SCTR: variants seen among roughly 807,000 people sequenced by gnomAD.
The protein encoded by SCTR is secretin receptor.
Under a neutral mutation model 60.8 loss-of-function variants are expected in SCTR, and 56 were observed. The observed-to-expected ratio is 0.92, with a 90% CI of 0.74 to 1.15. The LOEUF (loss-of-function observed/expected upper bound fraction) is 1.15. Ranked by LOEUF, SCTR falls within the 50% of genes most tolerant of loss-of-function variation. SCTR has a pLI of 0.00. For missense variants in SCTR, 562 were observed against 550.4 expected (o/e 1.02, Z -0.21); for synonymous variants, 202 against 217.0 (o/e 0.93, Z 0.61).
intron 2 of SCTR, among the ~76,000 whole-genome samples, chr2:119,489,316 C>T (rs1177578318): frequency 6.6e-6 from 1 of 152,174 alleles, no homozygotes; most frequent in Non-Finnish European, 1.5e-5. Flanking sequence ...GGCTCCACCT[C>T]ATCTCCCACT....
intron 1 of SCTR, among the ~76,000 whole-genome samples, chr2:119,512,842 C>T (rs1305694096): frequency 1.3e-5 from 2 of 152,188 alleles, no homozygotes; most frequent in African/African-American, 4.8e-5. Context: ...AGTTTTGTGG[C>T]TCAGGCATCA....
chr2:119,474,312 G>C (rs1290326310), intron 3 of SCTR, among the ~76,000 whole-genome samples: 1 of 152,212 alleles, frequency 6.6e-6, no homozygotes, highest in Non-Finnish European at 1.5e-5. Flanking sequence ...AGCCTGCCCT[G>C]AACTCTTCTC....
At position 119,453,324 on chromosome 2, in the gene SCTR, A is replaced by G. The variant is rs943658502; in HGVS notation, c.814T>C (p.Leu272=). 15 of 1,613,848 alleles carry G rather than the reference A, an allele frequency of 9.3e-6. No individual in the cohort carries two copies. The highest frequency in any genetic ancestry group is 1.6e-4 in the Middle Eastern group (1 of 6,084). Residue 272 remains leucine (L), a synonymous_variant, in exon 8 of 13, where the codon TTG becomes CTG. Transcript: ENST00000019103. ...GWGSPAIFVA[L]WAIARHFLED... ...AGAAAGTGTCTGGCAATAGCCCACA[A>G]AGCAACAAAAATGGCTGGAGAACCT...
intron 2 of SCTR, among the ~76,000 whole-genome samples, chr2:119,490,816 C>T (rs1466979983): frequency 3.9e-5 from 6 of 152,326 alleles, no homozygotes; most frequent in African/African-American, 1.4e-4. Context: ...ATCCCTTTGT[C>T]TGGGGGCTTT....
intron 6 of SCTR, 38 bp downstream of exon 6, chr2:119,464,085 C>A: frequency 6.2e-7 from 1 of 1,610,954 alleles, no homozygotes; most frequent in Non-Finnish European, 8.5e-7. Context: ...GGAAGGCAGG[C>A]GGGCCTGGCG....
chr2:119,461,732 A>T, intron 7 of SCTR, 115 bp downstream of exon 7: 11 of 668,204 alleles, frequency 1.6e-5, no homozygotes, highest in Middle Eastern at 3.6e-4. Flanking sequence ...AAAAAAAAAA[A>T]GATTACACAA....
intron 2 of SCTR, among the ~76,000 whole-genome samples, chr2:119,485,476 C>G (rs1048063088): frequency 2.5e-4 from 38 of 152,324 alleles, no homozygotes; most frequent in African/African-American, 7.9e-4. Flanking sequence ...CCTGCATTCA[C>G]CTGGCATGGA....
At chr2:119,462,262 C>A (rs916738840) in intron 6 of SCTR, among the ~76,000 whole-genome samples, 1 of 152,216 alleles carries the variant, frequency 6.6e-6, no homozygotes, top group African/African-American at 2.4e-5. Flanking sequence ...AGGTTCAAAT[C>A]CTAGCACTGG....
At chr2:119,445,443 G>A (rs1445124847) in intron 11 of SCTR, among the ~76,000 whole-genome samples, 2 of 152,172 alleles carry the variant, frequency 1.3e-5, no homozygotes, top group Non-Finnish European at 2.9e-5. Flanking sequence ...GGAGGGTGTG[G>A]TCTGAAGGTA....
intron 2 of SCTR, 128 bp from the exon 3 acceptor site, chr2:119,479,046 G>T: frequency 6.7e-7 from 1 of 1,491,882 alleles, no homozygotes; most frequent in Non-Finnish European, 8.9e-7. Context: ...GCTCTCATTA[G>T]GTGCTGACTC....
chr2:119,454,821 T>G (rs1683311085), intron 7 of SCTR, among the ~76,000 whole-genome samples: 1 of 148,518 alleles, frequency 6.7e-6, no homozygotes, highest in Admixed American at 6.8e-5. Flanking sequence ...GCCACTGCGC[T>G]CCAGCCTGGG....
chr2:119,440,316 T>A, intron 12 of SCTR, 59 bp from the exon 13 acceptor site: 3 of 1,563,754 alleles, frequency 1.9e-6, no homozygotes, highest in Non-Finnish European at 2.6e-6. Context: ...CCTGGAGCCC[T>A]GCTCACTCCC....
intron 2 of SCTR, among the ~76,000 whole-genome samples, chr2:119,490,983 A>C (rs1255399241): frequency 1.3e-5 from 2 of 152,138 alleles, no homozygotes; most frequent in Non-Finnish European, 2.9e-5. Flanking sequence ...ACAAGTGCCC[A>C]CAGTGATGAT....
At chr2:119,475,012 C>T (rs1171460343) in intron 3 of SCTR, among the ~76,000 whole-genome samples, 5 of 152,202 alleles carry the variant, frequency 3.3e-5, no homozygotes, top group Non-Finnish European at 5.9e-5. Flanking sequence ...AATAATCACC[C>T]ACACTGCAAG....
intron 7 of SCTR, among the ~76,000 whole-genome samples, chr2:119,455,231 G>C (rs2104781998): frequency 6.6e-6 from 1 of 152,286 alleles, no homozygotes; most frequent in South Asian, 2.1e-4. Context: ...GGATTCTCTA[G>C]AGGAACTGAA....
intron 7 of SCTR, among the ~76,000 whole-genome samples, chr2:119,457,693 A>C (rs555967828): frequency 1.1e-4 from 17 of 152,164 alleles, no homozygotes; most frequent in Non-Finnish European, 2.1e-4. Flanking sequence ...AGCTTGGGCC[A>C]AGAGAGTGAG....
At chr2:119,496,741 G>A (rs1271376987) in intron 1 of SCTR, among the ~76,000 whole-genome samples, 1 of 152,166 alleles carries the variant, frequency 6.6e-6, no homozygotes, top group Non-Finnish European at 1.5e-5. Context: ...CCAACGACCA[G>A]GAAAGGGGCA....
chr2:119,493,759 A>T (rs1420228176), intron 2 of SCTR, among the ~76,000 whole-genome samples: 1 of 150,950 alleles, frequency 6.6e-6, no homozygotes, highest in Non-Finnish European at 1.5e-5. Context: ...CTCCTGCCTC[A>T]GCCTCCCTAG....
In SCTR at chr2:119,524,287, C is replaced by T. The variant is rs1573942704; in HGVS notation, c.-61G>A. The T allele has an allele frequency of 3.4e-6, 4 of 1,181,132 alleles. No individual in the cohort carries two copies. The East Asian group carries it at 9.6e-5, about 28-fold the overall frequency. The allele number at this position is 1,181,132 out of a possible 1,614,324, so 73.2% of individuals were successfully genotyped here. On this transcript the variant is annotated 5_prime_UTR_variant, in exon 1 of 13. Coordinates refer to ENST00000019103, the MANE Select transcript of SCTR (RefSeq NM_002980.3). ...CGCCTGCCCGTGCCCTCTGCCCGCT[C>T]GGGAGCTCAGCGCCCCGCGCAGGGT... is the stretch of plus-strand genomic sequence containing the variant.
Sources: allele counts gnomAD v4.1 joint callset (sites outside exome capture counted in the v4.1 genomes callset), GRCh38; gene constraint gnomAD v4.1.1; transcripts MANE v1.5; gene names NCBI Gene and HGNC (gene_info 2026-07-23, HGNC 2026-07-21).